The following MAML3 variants were observed in gnomAD, a reference collection of about 807,000 sequenced individuals.
MAML3 encodes the protein mastermind-like protein 3.
A neutral mutation model predicts 101.9 loss-of-function variants in MAML3; 27 were observed. The observed-to-expected ratio is 0.27, with a 90% CI of 0.20 to 0.37. The LOEUF is 0.37. Among genes scored for constraint, MAML3 ranks in the 10% least tolerant of loss-of-function variants. The pLI is 1.00. For synonymous variants in MAML3, 501 were observed against 555.9 expected, an observed-to-expected ratio of 0.90 and a Z score of 1.39; for missense variants, 1,316 against 1,444.9, an observed-to-expected ratio of 0.91 and a Z score of 1.45.
At position 139,786,089 on chromosome 4, in the gene MAML3, G is replaced by C. The variant is rs533568685; in HGVS notation, c.2080-55422C>G. ...TCCGATATGGCTGGTGTTCATCTAAGAAGAGGAAATTTGGACACAGACATA... is the reference window on the plus strand; with the variant it reads ...TCCGATATGGCTGGTGTTCATCTAACAAGAGGAAATTTGGACACAGACATA... On this transcript the variant is annotated intron_variant, in intron 2 of 4. Transcript: ENST00000509479. Among the ~76,000 whole-genome samples, 9 of 152,136 alleles carry C rather than the reference G, an allele frequency of 5.9e-5. No homozygotes were observed. The South Asian group carries it at 1.7e-3, about 28-fold the overall frequency.
intron 1 of MAML3, among the ~76,000 whole-genome samples, chr4:140,112,483 G>C (rs1728453441): frequency 6.6e-6 from 1 of 152,224 alleles, no homozygotes; most frequent in South Asian, 2.1e-4. Context: ...AGTAGCCAGC[G>C]AGTGCAGCTT....
chr4:139,820,379 T>C (rs947387862), intron 2 of MAML3, among the ~76,000 whole-genome samples: 2 of 152,218 alleles, frequency 1.3e-5, no homozygotes, highest in East Asian at 1.9e-4. Context: ...TATTTAACTA[T>C]CCTATCACTC....
chr4:139,843,808 C>T (rs1731400083), intron 2 of MAML3, among the ~76,000 whole-genome samples: 1 of 152,090 alleles, frequency 6.6e-6, no homozygotes, highest in African/African-American at 2.4e-5. Context: ...AAAAAATGAG[C>T]ATTTCTTCAC....
chr4:139,799,735 A>G (rs1220282120), intron 2 of MAML3, among the ~76,000 whole-genome samples: 1 of 152,158 alleles, frequency 6.6e-6, no homozygotes, highest in Non-Finnish European at 1.5e-5. Flanking sequence ...TTCTGTGGAA[A>G]CTCAAGACTG....
At chr4:140,115,588 G>A (rs886645342) in intron 1 of MAML3, among the ~76,000 whole-genome samples, 1 of 152,176 alleles carries the variant, frequency 6.6e-6, no homozygotes, top group African/African-American at 2.4e-5. Context: ...CAGATATTCA[G>A]AAGCAAGTGA....
chr4:139,730,700 T>C (rs1380400185), intron 2 of MAML3, 33 bp from the exon 3 acceptor site: 7 of 1,579,754 alleles, frequency 4.4e-6, no homozygotes, highest in African/African-American at 2.7e-5. Flanking sequence ...GATGCAGGGA[T>C]TCCCCATAGA....
chr4:139,890,277 T>C lies in MAML3; in HGVS notation c.1159A>G (p.Thr387Ala), dbSNP rs755977641. Reference sequence around the variant, plus strand: ...GGTAAACTAGTGGCCGTGGAGACAGTAGAAAAGGGAGGACCAGAAGAAGAA... The same window carrying C: ...GGTAAACTAGTGGCCGTGGAGACAGCAGAAAAGGGAGGACCAGAAGAAGAA... ...RPSSSGPPFS[T>A]VSTATSLPSV... The change falls in exon 2 of 5, where the codon ACT (threonine) becomes GCT (alanine). Residue 387 changes from threonine (T) to alanine (A), a missense_variant. Coordinates refer to ENST00000509479, the MANE Select transcript of MAML3 (RefSeq NM_018717.5). The surrounding 1 kb of genome is among the most constrained non-coding windows in gnomAD (Gnocchi z 4.1). 4 of 1,613,506 alleles carry C rather than the reference T, an allele frequency of 2.5e-6. No individual in the cohort carries two copies. In the African/African-American group the frequency reaches 4.0e-5, roughly 16 times the overall value.
intron 2 of MAML3, among the ~76,000 whole-genome samples, chr4:139,882,305 G>A (rs1303118139): frequency 6.6e-6 from 1 of 151,522 alleles, no homozygotes; most frequent in East Asian, 1.9e-4. Flanking sequence ...AAGATCTTAA[G>A]GACACACAAT....
chr4:139,724,935 T>G (rs1381904374), intron 4 of MAML3, among the ~76,000 whole-genome samples: 1 of 152,162 alleles, frequency 6.6e-6, no homozygotes, highest in Non-Finnish European at 1.5e-5. Flanking sequence ...ATTTTTTGCA[T>G]TTTTAGAGAG....
chr4:140,117,230 T>C (rs1728531017), intron 1 of MAML3, among the ~76,000 whole-genome samples: 1 of 152,142 alleles, frequency 6.6e-6, no homozygotes, highest in South Asian at 2.1e-4. Flanking sequence ...CCAAAGCAAA[T>C]GTTTGGGGTT....
At chr4:139,814,644 G>A (rs1348829969) in intron 2 of MAML3, among the ~76,000 whole-genome samples, 2 of 152,250 alleles carry the variant, frequency 1.3e-5, no homozygotes, top group East Asian at 1.9e-4. Context: ...GTACAGCTAC[G>A]ATAGCTGAAA....
intron 2 of MAML3, among the ~76,000 whole-genome samples, chr4:139,737,260 A>G (rs1728982544): frequency 6.6e-6 from 1 of 152,132 alleles, no homozygotes. Flanking sequence ...GCACCTACTC[A>G]TTGCAAAACA....
At chr4:140,075,730 G>A (rs982334386) in intron 1 of MAML3, among the ~76,000 whole-genome samples, 4 of 151,518 alleles carry the variant, frequency 2.6e-5, no homozygotes, top group Admixed American at 6.6e-5. Flanking sequence ...TAGAGATGAC[G>A]TCTCCCTATG....
intron 2 of MAML3, among the ~76,000 whole-genome samples, chr4:139,746,059 C>T (rs528970731): frequency 6.6e-6 from 1 of 152,320 alleles, no homozygotes; most frequent in African/African-American, 2.4e-5. Flanking sequence ...CAATTAAAGA[C>T]TTTTCATGAC....
At chr4:140,093,416 G>GTTTTTTTTT (rs561107578) in intron 1 of MAML3, among the ~76,000 whole-genome samples, 2 of 121,486 alleles carry the variant, frequency 1.6e-5, no homozygotes, top group African/African-American at 3.0e-5. Context: ...ATGTTTGTTT[G>GTTTTTTTTT]TTTTTTTTTT....
chr4:139,855,699 G>T (rs1404954310), intron 2 of MAML3, among the ~76,000 whole-genome samples: 1 of 152,120 alleles, frequency 6.6e-6, no homozygotes, highest in Non-Finnish European at 1.5e-5. Context: ...TCTTTATCAT[G>T]GGCATCAAAG....
intron 2 of MAML3, among the ~76,000 whole-genome samples, chr4:139,763,538 G>A (rs1188642320): frequency 6.6e-6 from 1 of 152,110 alleles, no homozygotes; most frequent in African/African-American, 2.4e-5. Flanking sequence ...TTCAGGGGGA[G>A]CCGAAATGAC....
At chr4:139,736,127 C>T (rs1015793308) in intron 2 of MAML3, among the ~76,000 whole-genome samples, 1 of 152,032 alleles carries the variant, frequency 6.6e-6, no homozygotes, top group Non-Finnish European at 1.5e-5. Flanking sequence ...CACACACACT[C>T]ACTCACTCAC....
chr4:139,800,287 G>C (rs976985095), intron 2 of MAML3, among the ~76,000 whole-genome samples: 7 of 152,152 alleles, frequency 4.6e-5, no homozygotes, highest in African/African-American at 1.7e-4. Flanking sequence ...ATTGTTTAAT[G>C]ATTACCTGTC....
Sources: allele counts gnomAD v4.1 joint callset (sites outside exome capture counted in the v4.1 genomes callset), GRCh38; gene constraint gnomAD v4.1.1; non-coding constraint Gnocchi (gnomAD v3.1); transcripts MANE v1.5; gene names NCBI Gene and HGNC (gene_info 2026-07-23, HGNC 2026-07-21).